Variants in UCHL5 observed in about 807,000 individuals in gnomAD.
The protein encoded by UCHL5 is ubiquitin carboxyl-terminal hydrolase isozyme L5.
A neutral mutation model predicts 53.8 loss-of-function variants in UCHL5; 34 were observed. That is an observed-to-expected ratio of 0.63 (90% confidence interval 0.48 to 0.84). UCHL5 has a LOEUF of 0.84. Ranked by LOEUF, UCHL5 falls within the 40% of genes least tolerant of loss-of-function variation. The pLI is 0.00. For synonymous variants in UCHL5, 111 were observed against 126.3 expected (o/e 0.88, Z 0.81); for missense variants, 290 against 385.6 (o/e 0.75, Z 2.08).
chr1:193,053,749 T>A (rs919206645), intron 1 of UCHL5, among the ~76,000 whole-genome samples: 23 of 152,080 alleles, frequency 1.5e-4, no homozygotes, highest in African/African-American at 5.6e-4. Context: ...GACTCCCCAA[T>A]AATATATATT....
At chr1:193,055,607 G>A (rs1479681617) in intron 1 of UCHL5, among the ~76,000 whole-genome samples, 1 of 152,312 alleles carries the variant, frequency 6.6e-6, no homozygotes, top group East Asian at 1.9e-4. Flanking sequence ...CTTAACAGAT[G>A]TTAGATTTTG....
At chr1:193,024,159 T>C (rs1377582412) in intron 7 of UCHL5, among the ~76,000 whole-genome samples, 1 of 151,992 alleles carries the variant, frequency 6.6e-6, no homozygotes, top group Non-Finnish European at 1.5e-5. Context: ...GAGAGGATCC[T>C]TTGAGTTTAG....
At chr1:193,059,633 C>G (rs1196988455), upstream of UCHL5, 2 of 1,401,248 alleles carry the variant, frequency 1.4e-6, no homozygotes, top group South Asian at 1.1e-5. This position sits in a 1 kb window ranked among gnomAD's most constrained non-coding sequence, Gnocchi z 4.9. Flanking sequence ...GGAACCGAAC[C>G]TGGAATCCCC....
intron 3 of UCHL5, 165 bp downstream of exon 3, chr1:193,049,580 CT>C: frequency 2.2e-6 from 1 of 461,536 alleles, no homozygotes; most frequent in South Asian, 7.1e-5. Flanking sequence ...AACAAAAGCT[CT>C]TTTGAGATGT....
In UCHL5 at chr1:193,029,393, G is replaced by A. The variant is rs375167412; in HGVS notation, c.429C>T (p.Phe143=). The A allele has an allele frequency of 2.3e-5, 37 of 1,613,544 alleles. No homozygotes were observed. Among genetic ancestry groups the A allele is most frequent in the East Asian group, 4.5e-5 (2 of 44,854 alleles). Residue 143 remains phenylalanine, a synonymous_variant, in exon 5 of 11, where the codon TTC becomes TTT. Coordinates refer to ENST00000367454, the MANE Select transcript of UCHL5 (RefSeq NM_001199261.3). ...SDVIRQVHNS[F]ARQQMFEFDT... ...TTAACATAAAGTCTCTTTACCTGGCGAAACTGTTGTGTACTTGTCGAATCA... is the reference window on the plus strand; with the variant it reads ...TTAACATAAAGTCTCTTTACCTGGCAAAACTGTTGTGTACTTGTCGAATCA...
chr1:193,051,352 T>C (rs1020235958), intron 2 of UCHL5, among the ~76,000 whole-genome samples: 4 of 152,092 alleles, frequency 2.6e-5, no homozygotes, highest in African/African-American at 9.7e-5. Context: ...TGTAGGCAAG[T>C]TCTGGATTAC....
In UCHL5 at chr1:193,023,047, GAAGGA is replaced by G; in HGVS notation, c.733-16_733-12del. The G allele has an allele frequency of 6.4e-7, 1 of 1,562,472 alleles. No homozygotes were observed. The highest frequency in any genetic ancestry group is 8.8e-7 in the Non-Finnish European group (1 of 1,136,664). On this transcript the variant is annotated splice_polypyrimidine_tract_variant and intron_variant, in intron 8 of 10. Coordinates refer to ENST00000367454, the MANE Select transcript of UCHL5 (RefSeq NM_001199261.3). ...TGTATCCATGGGTTCCTCCTTGGGG[GAAGGA>G]AAAGAAATAGCACACCCTAATAATT... is the stretch of plus-strand genomic sequence containing the variant.
At chr1:193,020,219 ATTATTTAGAATG>A in intron 10 of UCHL5, 5 of 1,403,264 alleles carry the variant, frequency 3.6e-6, no homozygotes, top group Non-Finnish European at 4.7e-6. Context: ...CACATCTCAT[ATTATTTAGAATG>A]TATAACATGA....
At chr1:193,018,362 G>C in intron 10 of UCHL5, 1 of 395,416 alleles carries the variant, frequency 2.5e-6, no homozygotes, top group Non-Finnish European at 3.4e-6. Context: ...ACAAAAATTT[G>C]TTAATCATAA....
intron 7 of UCHL5, among the ~76,000 whole-genome samples, chr1:193,024,809 A>G (rs902285290): frequency 4.3e-4 from 66 of 152,084 alleles, no homozygotes; most frequent in Non-Finnish European, 8.8e-5. Context: ...TTTATCTCTA[A>G]GAGTTTCTCA....
chr1:193,052,825 T>C (rs1669489184), intron 1 of UCHL5, among the ~76,000 whole-genome samples: 1 of 152,206 alleles, frequency 6.6e-6, no homozygotes, highest in Non-Finnish European at 1.5e-5. Context: ...GTCCTCTACA[T>C]AAAGTGCAGC....
chr1:193,052,287 G>A (rs1016474431), intron 1 of UCHL5, among the ~76,000 whole-genome samples: 23 of 151,734 alleles, frequency 1.5e-4, no homozygotes, highest in African/African-American at 4.8e-4. Flanking sequence ...TCAGAGTCAC[G>A]TCTCCTCCTC....
At chr1:193,028,705 T>C (rs1199710135) in intron 6 of UCHL5, among the ~76,000 whole-genome samples, 5 of 152,186 alleles carry the variant, frequency 3.3e-5, no homozygotes, top group Non-Finnish European at 7.4e-5. Flanking sequence ...ATCTATGTTT[T>C]TGCAGAAAGG....
intron 2 of UCHL5, among the ~76,000 whole-genome samples, chr1:193,050,679 G>A (rs1668735621): frequency 6.6e-6 from 1 of 151,882 alleles, no homozygotes; most frequent in Non-Finnish European, 1.5e-5. Context: ...CCGGGAGGCA[G>A]AGACTGCAGT....
chr1:193,045,853 A>C (rs1667166465), intron 3 of UCHL5, among the ~76,000 whole-genome samples: 1 of 152,222 alleles, frequency 6.6e-6, no homozygotes, highest in Middle Eastern at 3.2e-3. Flanking sequence ...ACATTGAAAA[A>C]ATAAAAACAT....
intron 3 of UCHL5, among the ~76,000 whole-genome samples, chr1:193,036,632 A>G (rs1413726461): frequency 6.6e-6 from 1 of 152,072 alleles, no homozygotes; most frequent in African/African-American, 2.4e-5. Flanking sequence ...AATAAACCTA[A>G]CTGACATTTA....
chr1:193,036,106 AG>A (rs1663284851), intron 3 of UCHL5, among the ~76,000 whole-genome samples: 1 of 151,916 alleles, frequency 6.6e-6, no homozygotes, highest in East Asian at 1.9e-4. Context: ...CCAGAAAACA[AG>A]CAACAAAATG....
intron 3 of UCHL5, among the ~76,000 whole-genome samples, chr1:193,039,346 T>C (rs1853373): frequency 1 from 152,281 of 152,304 alleles, 76,129 homozygotes; most frequent in Middle Eastern, 1. Context: ...GGAGGCAAGG[T>C]GGAGATGAGC....
chr1:193,020,176 A>G (rs1656420168), intron 10 of UCHL5: 3 of 1,315,124 alleles, frequency 2.3e-6, no homozygotes, highest in Admixed American at 3.6e-5. Flanking sequence ...TGTTTCAATC[A>G]ATAAGGTAAT....
Sources: gnomAD v4.1 joint callset for allele counts (sites outside exome capture counted in the v4.1 genomes callset) on GRCh38, gnomAD v4.1.1 for gene constraint, Gnocchi (gnomAD v3.1) non-coding constraint, MANE v1.5 for transcripts, NCBI Gene and HGNC (gene_info 2026-07-23, HGNC 2026-07-21) for gene names.